Variants in ZNF382 observed in about 807,000 individuals in gnomAD.
ZNF382 encodes zinc finger protein 382.
In ZNF382, 20 loss-of-function variants were observed where a neutral mutation model predicts 38.8. The ratio of observed to expected loss-of-function variants is 0.51; its 90% CI spans 0.36 to 0.75. ZNF382 has a LOEUF of 0.75. Among genes scored for constraint, ZNF382 ranks in the 30% least tolerant of loss-of-function variants. The pLI is 0.00. For synonymous variants in ZNF382, 202 were observed against 223.1 expected (o/e 0.91, Z 0.84); for missense variants, 546 against 654.1 (o/e 0.83, Z 1.80).
intron 4 of ZNF382, among the ~76,000 whole-genome samples, chr19:36,617,837 A>T (rs1049383544): frequency 6.6e-6 from 1 of 152,006 alleles, no homozygotes; most frequent in Non-Finnish European, 1.5e-5. Context: ...AGAGTGGGGG[A>T]TTCCAGCTAA....
intron 4 of ZNF382, among the ~76,000 whole-genome samples, chr19:36,611,925 C>T (rs1055782951): frequency 3.9e-5 from 6 of 152,132 alleles, no homozygotes; most frequent in African/African-American, 1.2e-4. Flanking sequence ...GTATGAATAT[C>T]ACTCCCCATG....
chr19:36,621,324 G>GTTTTTTTTTTTTTTTTTT (rs10557413), intron 4 of ZNF382, among the ~76,000 whole-genome samples: 2 of 104,470 alleles, frequency 1.9e-5, no homozygotes, highest in Non-Finnish European at 3.8e-5. Context: ...TTTTTCCCTA[G>GTTTTTTTTTTTTTTTTTT]TTTTTTTTTT....
chr19:36,626,660 C>G lies in ZNF382; in HGVS notation c.763C>G (p.Leu255Val). Residue 255 changes from leucine (L) to valine (V), a missense_variant, in exon 5 of 5, where the codon CTC (leucine) becomes GTC (valine). Leu to Val is a conservative substitution (Grantham distance 32, BLOSUM62 1). Transcript: ENST00000292928. ...AATTGCCTTCATAGAAAAGTCAAGC[C>G]TCAGTGTCCATCCAAGTAATCTTAT... ...DGIAFIEKSSLSVHPSNLMEK... is the reference protein window; with the variant it reads ...DGIAFIEKSSVSVHPSNLMEK... 6.2e-7 allele frequency: 1 copy of G among 1,614,048 alleles called. No individual in the cohort carries two copies. Among genetic ancestry groups the G allele is most frequent in the Non-Finnish European group, 8.5e-7 (1 of 1,180,034 alleles).
At position 36,629,481 on chromosome 19, in the gene ZNF382, C is replaced by G. The variant is rs569612723; in HGVS notation, c.*1931C>G. ...CCACAAATGAGACCTCAAGCAAGAACTGCCCAGCTGAGGCCTTCCCAAATT... is the reference window on the plus strand; with the variant it reads ...CCACAAATGAGACCTCAAGCAAGAAGTGCCCAGCTGAGGCCTTCCCAAATT... On this transcript the variant is annotated 3_prime_UTR_variant, in exon 5 of 5. Transcript: ENST00000292928. 3.9e-5 allele frequency: 6 copies of G among 152,316 alleles called. No individual in the cohort carries two copies. Among genetic ancestry groups the G allele is most frequent in the African/African-American group, 1.4e-4 (6 of 41,580 alleles). 9.4% of individuals were successfully genotyped at this position (152,316 alleles called of 1,614,324 possible).
chr19:36,613,500 C>G (rs191647800), intron 4 of ZNF382, among the ~76,000 whole-genome samples: 1 of 150,820 alleles, frequency 6.6e-6, no homozygotes, highest in African/African-American at 2.4e-5. Flanking sequence ...CTCAACTCAC[C>G]GCAACCTCCG....
chr19:36,620,569 T>TTTCCTTGTTTTATA lies in ZNF382; in HGVS notation c.233-5548_233-5547insATTCCTTGTTTTAT, dbSNP rs1231640201. ...ATCATCTGATGAATTCTCAAATTGA[T>TTTCCTTGTTTTATA]TTCCTTGTTTTATGTGAATTGCTTT... On this transcript the variant is annotated intron_variant, in intron 4 of 4. Coordinates refer to ENST00000292928, the MANE Select transcript of ZNF382 (RefSeq NM_032825.5). Among the ~76,000 whole-genome samples the TTTCCTTGTTTTATA allele has an allele frequency of 5.9e-5, 9 of 152,162 alleles. No homozygotes were observed. In the East Asian group the frequency reaches 1.7e-3, roughly 29 times the overall value.
intron 4 of ZNF382, among the ~76,000 whole-genome samples, chr19:36,619,579 G>T (rs192548366): frequency 3.5e-4 from 53 of 152,264 alleles, no homozygotes; most frequent in South Asian, 4.1e-4. Context: ...CACATAATTA[G>T]ATAAGTAAAC....
chr19:36,626,798 T>C lies in ZNF382; in HGVS notation c.901T>C (p.Cys301Arg). The C allele has an allele frequency of 6.2e-7, 1 of 1,614,234 alleles. No homozygotes were observed. ...AGAGAAACCCTTTCACTGTCCTTAC[T>C]GTGGGAATAACTTTAGAAGGAAGTC... ...TEEKPFHCPY[C>R]GNNFRRKSYL... The change falls in exon 5 of 5, where the codon TGT (cysteine) becomes CGT (arginine). Residue 301 changes from cysteine (C) to arginine (R), a missense_variant. Cys to Arg is a radical substitution (Grantham distance 180). Transcript: ENST00000292928.
intron 4 of ZNF382, 115 bp downstream of exon 4, chr19:36,610,857 C>T: frequency 1.4e-6 from 1 of 703,176 alleles, no homozygotes. Context: ...ATTAAATATG[C>T]TATCTTAAAC....
Position 36,607,621 on chromosome 19 carries a change from A to G in ZNF382, c.-15A>G. On this transcript the variant is annotated splice_region_variant and 5_prime_UTR_variant, in exon 2 of 5. Coordinates refer to ENST00000292928, the MANE Select transcript of ZNF382 (RefSeq NM_032825.5). The stretch of plus-strand genomic sequence containing the variant: ...TCTAGAAATCTCAAAGCCATGTCTC[A>G]GGTGAGATGATGTTTCCTCTCTTTC... 1.3e-6 allele frequency: 2 copies of G among 1,524,084 alleles called. No individual in the cohort carries two copies. Among genetic ancestry groups the G allele is most frequent in the Non-Finnish European group, 8.7e-7 (1 of 1,143,454 alleles). The allele number at this position is 1,524,084 out of a possible 1,614,324, so 94.4% of individuals were successfully genotyped here.
chr19:36,619,123 T>G (rs1172695634), intron 4 of ZNF382, among the ~76,000 whole-genome samples: 1 of 152,236 alleles, frequency 6.6e-6, no homozygotes, highest in Non-Finnish European at 1.5e-5. Context: ...TTAAAGTTAT[T>G]AAGAACTTAG....
chr19:36,609,257 A>G (rs932837380), intron 2 of ZNF382: 3 of 152,204 alleles, frequency 2.0e-5, no homozygotes, highest in African/African-American at 7.2e-5. Flanking sequence ...TGGTTTATAA[A>G]TAGCTACAAT....
rs750497824 is a variant in ZNF382, at chr19:36,609,809, A to G, written c.-13-93A>G. 8.2e-5 allele frequency: 98 copies of G among 1,193,014 alleles called. 1 individual carries two copies. The highest frequency in any genetic ancestry group is 1.0e-4 in the Non-Finnish European group (90 of 874,724). 73.9% of individuals were successfully genotyped at this position (1,193,014 alleles called of 1,614,324 possible). The stretch of plus-strand genomic sequence containing the variant: ...ATTTTCAGAGAGAATTTTATGCAAT[A>G]TAAAACATAAATAAGGAAACTAGTC... On this transcript the variant is annotated intron_variant, in intron 2 of 4. Coordinates refer to ENST00000292928, the MANE Select transcript of ZNF382 (RefSeq NM_032825.5).
chr19:36,614,023 A>G lies in ZNF382; in HGVS notation c.232+3281A>G, dbSNP rs957661118. Among the ~76,000 whole-genome samples, 7 of 152,128 alleles carry G rather than the reference A, an allele frequency of 4.6e-5. No homozygotes were observed. The East Asian group carries it at 5.8e-4, about 13-fold the overall frequency. On this transcript the variant is annotated intron_variant, in intron 4 of 4. Coordinates refer to ENST00000292928, the MANE Select transcript of ZNF382 (RefSeq NM_032825.5). ...ATAAGTCTGGAAGTCAGTTAGCGTA[A>G]GTCCTCTAACTTTATGCTTTTTAAA... is the stretch of plus-strand genomic sequence containing the variant.
rs1469257711 is a variant in ZNF382 at position 36,631,285 on chromosome 19, T to A, written c.*3735T>A. 1 of 152,210 alleles carries A rather than the reference T, an allele frequency of 6.6e-6. No individual in the cohort carries two copies. The highest frequency in any genetic ancestry group is 2.4e-5 in the African/African-American group (1 of 41,434). 9.4% of individuals were successfully genotyped at this position (152,210 alleles called of 1,614,324 possible). On this transcript the variant is annotated 3_prime_UTR_variant, in exon 5 of 5. Transcript: ENST00000292928. ...TCCTAGGCTACAAATCTGTACTGCA[T>A]GTTACTGTGCTGGATACTATAGGCA... is the stretch of plus-strand genomic sequence containing the variant.
chr19:36,617,587 G>C (rs2037135366), intron 4 of ZNF382, among the ~76,000 whole-genome samples: 1 of 152,200 alleles, frequency 6.6e-6, no homozygotes, highest in African/African-American at 2.4e-5. Context: ...CCTGACACTT[G>C]TAAGGCAGAT....
At chr19:36,621,324 G>GTTTTTTTTTTTTTTTTTTTTTTTGT (rs10557413) in intron 4 of ZNF382, among the ~76,000 whole-genome samples, 1 of 104,470 alleles carries the variant, frequency 9.6e-6, no homozygotes, top group Non-Finnish European at 1.9e-5. Context: ...TTTTTCCCTA[G>GTTTTTTTTTTTTTTTTTTTTTTTGT]TTTTTTTTTT....
chr19:36,627,609 T>G lies in ZNF382; in HGVS notation c.*59T>G. ...TCATAGTAAACCCTGTAGATGATGT[T>G]GCTTGCAAGCGTAATATCCAACAGT... is the stretch of plus-strand genomic sequence containing the variant. On this transcript the variant is annotated 3_prime_UTR_variant, in exon 5 of 5. Coordinates refer to ENST00000292928, the MANE Select transcript of ZNF382 (RefSeq NM_032825.5). 7.5e-7 allele frequency: 1 copy of G among 1,324,874 alleles called. No homozygotes were observed. Among genetic ancestry groups the G allele is most frequent in the South Asian group, 1.3e-5 (1 of 75,430 alleles). 82.1% of individuals were successfully genotyped at this position (1,324,874 alleles called of 1,614,324 possible). A position where few individuals can be genotyped will look rare whatever the true frequency, so the allele number is the denominator to read the frequency against.
At chr19:36,613,597 C>T (rs1276840916) in intron 4 of ZNF382, among the ~76,000 whole-genome samples, 7 of 151,772 alleles carry the variant, frequency 4.6e-5, no homozygotes, top group Admixed American at 2.6e-4. Flanking sequence ...TGCACCACCA[C>T]GCCCCGCTAA....
Sources: gnomAD v4.1 joint callset for allele counts (sites outside exome capture counted in the v4.1 genomes callset) on GRCh38, gnomAD v4.1.1 for gene constraint, MANE v1.5 for transcripts, NCBI Gene and HGNC (gene_info 2026-07-23, HGNC 2026-07-21) for gene names.